The following NPAS3 variants were observed in gnomAD, a reference collection of about 807,000 sequenced individuals.
NPAS3 encodes the protein neuronal PAS domain-containing protein 3.
A neutral mutation model predicts 73.1 loss-of-function variants in NPAS3; 14 were observed. That is an observed-to-expected ratio of 0.19 (90% confidence interval 0.13 to 0.30). The LOEUF (loss-of-function observed/expected upper bound fraction) is 0.30, where lower values mean the gene tolerates loss of function less well. Ranked by LOEUF, NPAS3 falls within the 10% of genes least tolerant of loss-of-function variation. The pLI, the probability that NPAS3 is intolerant of heterozygous loss-of-function variation, is 1.00. For missense variants in NPAS3, 1,096 were observed against 1,250.0 expected (o/e 0.88, Z 1.86); for synonymous variants, 620 against 541.5 (o/e 1.14, Z -2.01).
chr14:33,440,412 A>G (rs1054778772), intron 4 of NPAS3, among the ~76,000 whole-genome samples: 1 of 152,176 alleles, frequency 6.6e-6, no homozygotes, highest in Non-Finnish European at 1.5e-5. Context: ...AAGGGTGCTG[A>G]CTACTTTCGT....
intron 2 of NPAS3, among the ~76,000 whole-genome samples, chr14:33,136,569 A>G (rs1221680345): frequency 6.6e-6 from 1 of 152,202 alleles, no homozygotes; most frequent in Non-Finnish European, 1.5e-5. Context: ...GAAGAAACTG[A>G]GACCCTGGGG....
rs551684747 is a variant in NPAS3 at position 33,003,298 on chromosome 14, T to TA, written c.51-52596dup. 6.4e-3 allele frequency among the ~76,000 whole-genome samples: 939 copies of TA among 145,610 alleles called. 10 individuals carry two copies. Among genetic ancestry groups the TA allele is most frequent in the African/African-American group, 0.021 (851 of 39,904 alleles). The stretch of plus-strand genomic sequence containing the variant: ...TTTGCAGTATTTATTCTCTTGTTGA[T>TA]AAAAAAAAAAATAAGCCCAACGACC... On this transcript the variant is annotated intron_variant, in intron 1 of 11. Transcript: ENST00000356141.
chr14:33,548,395 A>T (rs2054946730), intron 4 of NPAS3, among the ~76,000 whole-genome samples: 1 of 152,238 alleles, frequency 6.6e-6, no homozygotes, highest in African/African-American at 2.4e-5. Flanking sequence ...CATTGTGCAC[A>T]TTAGAATTAT....
chr14:33,079,387 C>T (rs1484500137), intron 2 of NPAS3, among the ~76,000 whole-genome samples: 4 of 144,442 alleles, frequency 2.8e-5, no homozygotes, highest in Admixed American at 7.1e-5. Context: ...GGCATGATCT[C>T]GGCTCACTGC....
chr14:33,615,619 G>A (rs1210641485), intron 5 of NPAS3, among the ~76,000 whole-genome samples: 1 of 152,208 alleles, frequency 6.6e-6, no homozygotes, highest in African/African-American at 2.4e-5. Flanking sequence ...TGACTTATCA[G>A]TTTGTTACAG....
At chr14:33,066,326 T>G (rs540941158) in intron 2 of NPAS3, among the ~76,000 whole-genome samples, 1 of 152,342 alleles carries the variant, frequency 6.6e-6, no homozygotes, top group South Asian at 2.1e-4. Flanking sequence ...TGAACTCTTG[T>G]AAAATTCATG....
intron 4 of NPAS3, among the ~76,000 whole-genome samples, chr14:33,424,131 G>A (rs895095304): frequency 4.1e-4 from 60 of 146,910 alleles, no homozygotes; most frequent in African/African-American, 1.5e-3. Flanking sequence ...AATTGACTTG[G>A]CCTGGTTTGA....
chr14:33,269,967 C>A (rs1053527700), intron 3 of NPAS3, among the ~76,000 whole-genome samples: 1 of 152,100 alleles, frequency 6.6e-6, no homozygotes, highest in Non-Finnish European at 1.5e-5. Context: ...AGATGGGATT[C>A]TTGGGCGGGT....
intron 3 of NPAS3, among the ~76,000 whole-genome samples, chr14:33,227,645 T>C (rs1194818667): frequency 1.3e-5 from 2 of 152,190 alleles, no homozygotes; most frequent in African/African-American, 2.4e-5. Flanking sequence ...ATCTCATTCA[T>C]GAGGGTTCCG....
At chr14:33,500,103 AG>A (rs2052437721) in intron 4 of NPAS3, among the ~76,000 whole-genome samples, 1 of 151,984 alleles carries the variant, frequency 6.6e-6, no homozygotes, top group African/African-American at 2.4e-5. Flanking sequence ...AACGGAAGGG[AG>A]TTTGAGGAAG....
At chr14:33,504,734 A>G (rs748071467) in intron 4 of NPAS3, among the ~76,000 whole-genome samples, 2 of 152,030 alleles carry the variant, frequency 1.3e-5, no homozygotes, top group Non-Finnish European at 2.9e-5. Context: ...GAAACGGTGC[A>G]AAATAAACAC....
intron 3 of NPAS3, among the ~76,000 whole-genome samples, chr14:33,257,142 C>T (rs966671662): frequency 2.6e-5 from 4 of 152,178 alleles, no homozygotes; most frequent in African/African-American, 7.2e-5. Context: ...CTGTCCCAAC[C>T]CTCCTTCTTC....
chr14:33,443,121 C>T (rs79304294), intron 4 of NPAS3, among the ~76,000 whole-genome samples: 5,067 of 152,230 alleles, frequency 0.033, 292 homozygotes, highest in African/African-American at 0.12. Context: ...AATTCCTTTA[C>T]TCAAGTTATT....
intron 5 of NPAS3, among the ~76,000 whole-genome samples, chr14:33,564,717 T>C (rs1021774458): frequency 6.6e-6 from 1 of 152,196 alleles, no homozygotes; most frequent in Non-Finnish European, 1.5e-5. Flanking sequence ...ACAATTGGAC[T>C]CACATCCTCT....
At chr14:33,325,946 G>A (rs1182703298) in intron 3 of NPAS3, among the ~76,000 whole-genome samples, 1 of 152,128 alleles carries the variant, frequency 6.6e-6, no homozygotes, top group Non-Finnish European at 1.5e-5. Context: ...ATCAAGAATG[G>A]AGAAAAGAGT....
At position 33,715,890 on chromosome 14, in the gene NPAS3, C is replaced by A. The variant is rs140185248; in HGVS notation, c.734-19324C>A. Among the ~76,000 whole-genome samples, 356 of 152,252 alleles carry A rather than the reference C, an allele frequency of 2.3e-3. 3 individuals are homozygous for A. In the East Asian group the frequency reaches 0.027, roughly 11 times the overall value. ...CAAGATTTGATGGTTTTATAAAGAG[C>A]AGTTCCACTGTGCATGTTCTTTTGC... On this transcript the variant is annotated intron_variant, in intron 6 of 11. Coordinates refer to ENST00000356141, the Ensembl canonical transcript of NPAS3.
chr14:33,054,389 G>A (rs910598150), intron 1 of NPAS3, among the ~76,000 whole-genome samples: 1 of 152,040 alleles, frequency 6.6e-6, no homozygotes, highest in African/African-American at 2.4e-5. Flanking sequence ...TTTAATGAGA[G>A]ATTTGAGTAT....
At chr14:33,769,152 G>A (rs909721456) in intron 7 of NPAS3, among the ~76,000 whole-genome samples, 26 of 152,046 alleles carry the variant, frequency 1.7e-4, no homozygotes, top group African/African-American at 6.3e-4. Context: ...AATGCCTTTG[G>A]CACTCTTATG....
chr14:33,183,457 T>TTTTTA (rs2045877112), intron 2 of NPAS3, among the ~76,000 whole-genome samples: 2 of 64,848 alleles, frequency 3.1e-5, no homozygotes, highest in East Asian at 7.1e-4. Flanking sequence ...TTTTTTTTTT[T>TTTTTA]GAAACAATCT....
Sources: allele counts gnomAD v4.1 joint callset (sites outside exome capture counted in the v4.1 genomes callset), GRCh38; gene constraint gnomAD v4.1.1; transcripts MANE v1.5; gene names NCBI Gene and HGNC (gene_info 2026-07-23, HGNC 2026-07-21).